The following NCK1 variants were observed in gnomAD, a reference collection of about 807,000 sequenced individuals.
NCK1 encodes the protein SH2/SH3 adapter protein NCK1.
Under a neutral mutation model 36.6 loss-of-function variants are expected in NCK1, and 19 were observed. The ratio of observed to expected loss-of-function variants is 0.52; its 90% CI spans 0.36 to 0.76. NCK1 has a LOEUF of 0.76. Among genes scored for constraint, NCK1 ranks in the 30% least tolerant of loss-of-function variants. NCK1 has a pLI of 0.00. For missense variants in NCK1, 358 were observed against 445.6 expected (o/e 0.80, Z 1.77); for synonymous variants, 165 against 156.0 (o/e 1.06, Z -0.43).
At chr3:136,936,147 T>C (rs1277902973) in intron 2 of NCK1, among the ~76,000 whole-genome samples, 1 of 151,916 alleles carries the variant, frequency 6.6e-6, no homozygotes, top group Non-Finnish European at 1.5e-5. Context: ...TTCAAGTGAT[T>C]CTCCTGCCTC....
intron 1 of NCK1, among the ~76,000 whole-genome samples, chr3:136,916,414 G>A (rs895637268): frequency 2.6e-5 from 4 of 152,124 alleles, no homozygotes; most frequent in African/African-American, 7.2e-5. Flanking sequence ...TGGCAGTAAT[G>A]TATTCATGAG....
chr3:136,949,489 G>GA lies in NCK1; in HGVS notation c.*1040dup, dbSNP rs1232274550. On this transcript the variant is annotated 3_prime_UTR_variant, in exon 4 of 4. Transcript: ENST00000481752. ...AAAATAGAATGTGCTCATGGTTAGG[G>GA]AAAATTATATTATTTTTAATTTTTT... is the stretch of plus-strand genomic sequence containing the variant. The GA allele has an allele frequency of 1.3e-5, 2 of 151,940 alleles. No homozygotes were observed. The highest frequency in any genetic ancestry group is 4.8e-5 in the African/African-American group (2 of 41,408). The allele number at this position is 151,940 out of a possible 1,614,324, so 9.4% of individuals were successfully genotyped here. A position where few individuals can be genotyped will look rare whatever the true frequency, so the allele number is the denominator to read the frequency against.
rs35254283 is a variant in NCK1 at position 136,936,038 on chromosome 3, CTTT to C, written c.226+7827_226+7829del. Among the ~76,000 whole-genome samples, 7 of 128,214 alleles carry C rather than the reference CTTT, an allele frequency of 5.5e-5. No homozygotes were observed. The East Asian group carries it at 7.0e-4, about 13-fold the overall frequency. The allele number at this position is 128,214 out of a possible 152,430, so 84.1% of individuals were successfully genotyped here. A position where few individuals can be genotyped will look rare whatever the true frequency, so the allele number is the denominator to read the frequency against. ...ATTCATCCCTTTTATGTCTAAATAA[CTTT>C]TTTTTTTTTTTTTTTCTGAGACAGA... On this transcript the variant is annotated intron_variant, in intron 2 of 3. Coordinates refer to ENST00000481752, the MANE Select transcript of NCK1 (RefSeq NM_001291999.2).
intron 1 of NCK1, among the ~76,000 whole-genome samples, chr3:136,918,695 C>T (rs1940029830): frequency 6.6e-6 from 1 of 152,184 alleles, no homozygotes. Flanking sequence ...ATTTTAAGCT[C>T]ATCAGCTATC....
intron 2 of NCK1, among the ~76,000 whole-genome samples, chr3:136,942,608 C>T (rs892030937): frequency 2.0e-5 from 3 of 152,206 alleles, no homozygotes; most frequent in African/African-American, 4.8e-5. Flanking sequence ...ACTGTTTGCT[C>T]AAAGCCTGAA....
intron 1 of NCK1, among the ~76,000 whole-genome samples, chr3:136,882,148 A>T (rs1490956938): frequency 6.6e-6 from 1 of 152,204 alleles, no homozygotes; most frequent in African/African-American, 2.4e-5. Flanking sequence ...CCAACCGTGC[A>T]TAAGAGTTCC....
At chr3:136,902,788 G>A (rs764380830) in intron 1 of NCK1, among the ~76,000 whole-genome samples, 1 of 152,268 alleles carries the variant, frequency 6.6e-6, no homozygotes, top group East Asian at 1.9e-4. Flanking sequence ...CTTTGCTGAT[G>A]ATATGATCTT....
chr3:136,889,017 G>T, intron 1 of NCK1: 1 of 144,802 alleles, frequency 6.9e-6, no homozygotes, highest in Non-Finnish European at 1.5e-5. Context: ...CTGCAGGCAT[G>T]TGCCACCATG....
At chr3:136,876,105 C>A (rs1017355909) in intron 1 of NCK1, among the ~76,000 whole-genome samples, 10 of 151,656 alleles carry the variant, frequency 6.6e-5, no homozygotes, top group African/African-American at 1.9e-4. Context: ...TTGAAACCAA[C>A]GAGAACAAAG....
At chr3:136,926,459 T>G (rs1940241483) in intron 1 of NCK1, among the ~76,000 whole-genome samples, 1 of 151,926 alleles carries the variant, frequency 6.6e-6, no homozygotes, top group Non-Finnish European at 1.5e-5. Context: ...GTATTTTTAG[T>G]AGAGACAGGG....
chr3:136,890,221 C>G (rs1382635641), intron 1 of NCK1, among the ~76,000 whole-genome samples: 1 of 152,202 alleles, frequency 6.6e-6, no homozygotes, highest in Admixed American at 6.5e-5. Flanking sequence ...CCAGTACACC[C>G]TCTTCAGTTG....
At chr3:136,862,815 C>G (rs912004971) in intron 1 of NCK1, among the ~76,000 whole-genome samples, 9 of 152,226 alleles carry the variant, frequency 5.9e-5, no homozygotes, top group Non-Finnish European at 1.3e-4. Context: ...AGGCGTCAGC[C>G]TGCGCGGTGC....
At chr3:136,913,157 T>C (rs1939873392) in intron 1 of NCK1, among the ~76,000 whole-genome samples, 1 of 152,168 alleles carries the variant, frequency 6.6e-6, no homozygotes, top group East Asian at 1.9e-4. Flanking sequence ...ATATAGGCCA[T>C]ACTTTCCCAT....
intron 1 of NCK1, among the ~76,000 whole-genome samples, chr3:136,917,771 G>A: frequency 6.6e-6 from 1 of 152,160 alleles, no homozygotes; most frequent in East Asian, 1.9e-4. Flanking sequence ...GGTGGTTTAG[G>A]TTGAGTAAAA....
chr3:136,885,534 G>C (rs557500251), intron 1 of NCK1, among the ~76,000 whole-genome samples: 5 of 152,172 alleles, frequency 3.3e-5, no homozygotes, highest in African/African-American at 9.6e-5. Context: ...CCAACTCCTG[G>C]GCTCAAGTGA....
intron 1 of NCK1, chr3:136,900,028 CA>C (rs1939499608): frequency 1.6e-6 from 1 of 617,022 alleles, no homozygotes; most frequent in Non-Finnish European, 3.0e-6. Context: ...TCAGAGTCGC[CA>C]AACTGTGAGT....
At chr3:136,941,835 G>A (rs1560054943) in intron 2 of NCK1, among the ~76,000 whole-genome samples, 1 of 151,972 alleles carries the variant, frequency 6.6e-6, no homozygotes, top group Non-Finnish European at 1.5e-5. Flanking sequence ...TAGCCTGGAG[G>A]ATTCTCTTTA....
At chr3:136,940,837 G>A (rs1030291246) in intron 2 of NCK1, among the ~76,000 whole-genome samples, 1 of 152,046 alleles carries the variant, frequency 6.6e-6, no homozygotes, top group Admixed American at 6.6e-5. Context: ...GAGACACCGC[G>A]CCGGGCCTAT....
At chr3:136,895,836 A>G (rs1389703727) in intron 1 of NCK1, among the ~76,000 whole-genome samples, 2 of 152,204 alleles carry the variant, frequency 1.3e-5, no homozygotes, top group Non-Finnish European at 2.9e-5. Context: ...AAGTGCTGGG[A>G]TTACAGGTAT....
Sources: gnomAD v4.1 joint callset for allele counts (sites outside exome capture counted in the v4.1 genomes callset) on GRCh38, gnomAD v4.1.1 for gene constraint, MANE v1.5 for transcripts, NCBI Gene and HGNC (gene_info 2026-07-23, HGNC 2026-07-21) for gene names.